The following GOLGA4 variants were observed in gnomAD, a reference collection of about 807,000 sequenced individuals.
GOLGA4 encodes the protein golgin subfamily A member 4.
Under a neutral mutation model 265.9 loss-of-function variants are expected in GOLGA4, and 169 were observed. The ratio of observed to expected loss-of-function variants is 0.64; its 90% CI spans 0.56 to 0.72. The LOEUF (loss-of-function observed/expected upper bound fraction) is 0.72, where lower values mean the gene tolerates loss of function less well. Among genes scored for constraint, GOLGA4 ranks in the 30% least tolerant of loss-of-function variants. The pLI, the probability that GOLGA4 is intolerant of heterozygous loss-of-function variation, is 0.00. For synonymous variants in GOLGA4, 923 were observed against 855.8 expected (o/e 1.08, Z -1.37); for missense variants, 2,482 against 2,483.4 (o/e 1.00, Z 0.01).
intron 19 of GOLGA4, among the ~76,000 whole-genome samples, chr3:37,339,188 G>A (rs754567963): frequency 3.9e-5 from 6 of 151,954 alleles, no homozygotes; most frequent in Admixed American, 2.6e-4. Context: ...TCAGCTTAGC[G>A]TGATGTTTCA....
chr3:37,275,582 C>T (rs906689816), intron 2 of GOLGA4: 57 of 1,245,004 alleles, frequency 4.6e-5, no homozygotes, highest in Non-Finnish European at 5.9e-5. Context: ...CCCGGGCCTG[C>T]GGTGGTGGGG....
At chr3:37,307,561 A>G (rs896472968) in intron 10 of GOLGA4, among the ~76,000 whole-genome samples, 7 of 152,200 alleles carry the variant, frequency 4.6e-5, no homozygotes, top group African/African-American at 1.7e-4. Context: ...GGACTGGGGT[A>G]AGGGCTATTT....
At chr3:37,276,753 C>T (rs1056882919) in intron 2 of GOLGA4, among the ~76,000 whole-genome samples, 28 of 152,284 alleles carry the variant, frequency 1.8e-4, no homozygotes, top group African/African-American at 6.5e-4. Context: ...CCTTAAATGC[C>T]TTCTGTAGTT....
chr3:37,358,682 A>G (rs17036270), intron 22 of GOLGA4, among the ~76,000 whole-genome samples: 5,869 of 152,234 alleles, frequency 0.039, 145 homozygotes, highest in African/African-American at 0.056. Flanking sequence ...CCTTTTAGCA[A>G]TGTGTAGAAC....
Position 37,337,176 on chromosome 3 carries a change from CTTCTTT to C in GOLGA4, c.6327+16_6327+21del. 1 of 1,322,116 alleles carries C rather than the reference CTTCTTT, an allele frequency of 7.6e-7. No individual in the cohort carries two copies. The highest frequency in any genetic ancestry group is 1.5e-5 in the African/African-American group (1 of 66,740). The allele number at this position is 1,322,116 out of a possible 1,614,324, so 81.9% of individuals were successfully genotyped here. A position where few individuals can be genotyped will look rare whatever the true frequency, so the allele number is the denominator to read the frequency against. On this transcript the variant is annotated intron_variant, in intron 18 of 23. Coordinates refer to ENST00000361924, the MANE Select transcript of GOLGA4 (RefSeq NM_002078.5). ...TATGGAGCTACAGGTAAGGCTAGTT[CTTCTTT>C]TTTTTTTTTTCTTTTTTTTCTTTGA...
chr3:37,301,488 C>T (rs1249079667), intron 9 of GOLGA4, among the ~76,000 whole-genome samples: 2 of 152,174 alleles, frequency 1.3e-5, no homozygotes, highest in Non-Finnish European at 2.9e-5. Flanking sequence ...TAGTACAGAT[C>T]AATACTTGTA....
intron 12 of GOLGA4, chr3:37,321,519 T>C (rs183729512): frequency 2.2e-6 from 1 of 450,526 alleles, no homozygotes; most frequent in East Asian, 3.6e-5. Flanking sequence ...ACAAAATTTT[T>C]CATATCAGTA....
chr3:37,295,539 A>G (rs894440483), intron 6 of GOLGA4, among the ~76,000 whole-genome samples: 1 of 152,256 alleles, frequency 6.6e-6, no homozygotes, highest in East Asian at 1.9e-4. Context: ...TGTTAAGGAT[A>G]CTTTTTTATT....
intron 7 of GOLGA4, 83 bp from the exon 8 acceptor site, chr3:37,298,750 C>G: frequency 1.1e-6 from 1 of 911,936 alleles, no homozygotes. Flanking sequence ...GATTAGATCT[C>G]TTTGACTGTC....
At chr3:37,281,385 C>T (rs2096834217) in intron 2 of GOLGA4, among the ~76,000 whole-genome samples, 1 of 152,164 alleles carries the variant, frequency 6.6e-6, no homozygotes, top group African/African-American at 2.4e-5. Flanking sequence ...CTCACATTCC[C>T]TTATTAAACA....
At chr3:37,270,308 C>T (rs371155714) in intron 2 of GOLGA4, among the ~76,000 whole-genome samples, 6 of 146,440 alleles carry the variant, frequency 4.1e-5, no homozygotes, top group South Asian at 2.2e-4. Context: ...AGGATTAAAG[C>T]GATTCTCCTG....
chr3:37,249,172 G>A (rs2096727355), intron 1 of GOLGA4, among the ~76,000 whole-genome samples: 1 of 152,164 alleles, frequency 6.6e-6, no homozygotes. Context: ...TGTGGGAAGG[G>A]TTTATTGAAT....
At chr3:37,321,981 G>GGA (rs2096956282) in intron 13 of GOLGA4, 95 bp downstream of exon 13, 2 of 982,622 alleles carry the variant, frequency 2.0e-6, no homozygotes, top group African/African-American at 3.3e-5. Context: ...GAAGATTACT[G>GGA]GATTAGATTT....
intron 4 of GOLGA4, among the ~76,000 whole-genome samples, 189 bp from the exon 5 acceptor site, chr3:37,289,046 T>A (rs1436782671): frequency 6.6e-6 from 1 of 152,236 alleles, no homozygotes; most frequent in Admixed American, 6.5e-5. Context: ...TTCTATAACA[T>A]CATGATCTAA....
chr3:37,347,371 G>A (rs766155967), intron 21 of GOLGA4, 75 bp downstream of exon 21: 1 of 790,270 alleles, frequency 1.3e-6, no homozygotes, highest in Non-Finnish European at 2.2e-6. Context: ...ATACACATGT[G>A]AATGCCATAT....
intron 2 of GOLGA4, among the ~76,000 whole-genome samples, chr3:37,274,112 A>AAATT (rs1216015746): frequency 2.0e-5 from 3 of 151,480 alleles, no homozygotes; most frequent in Non-Finnish European, 4.4e-5. Context: ...AAAAAAAAAA[A>AAATT]AAAAGATAAT....
chr3:37,248,794 G>C (rs1355089491), intron 1 of GOLGA4, among the ~76,000 whole-genome samples: 2 of 152,176 alleles, frequency 1.3e-5, no homozygotes, highest in Admixed American at 1.3e-4. Context: ...TGAGGCCAAG[G>C]TGTAAGACGT....
intron 2 of GOLGA4, among the ~76,000 whole-genome samples, chr3:37,262,769 A>T (rs953062923): frequency 3.3e-5 from 5 of 152,148 alleles, no homozygotes; most frequent in Non-Finnish European, 5.9e-5. Flanking sequence ...AAAAACAAAC[A>T]GACAAAAAAT....
At chr3:37,349,703 A>G (rs893207036) in intron 21 of GOLGA4, among the ~76,000 whole-genome samples, 2 of 152,138 alleles carry the variant, frequency 1.3e-5, no homozygotes, top group East Asian at 1.9e-4. Flanking sequence ...CCCAATTTCT[A>G]TACATTAACA....
Sources: allele counts gnomAD v4.1 joint callset (sites outside exome capture counted in the v4.1 genomes callset), GRCh38; gene constraint gnomAD v4.1.1; transcripts MANE v1.5; gene names NCBI Gene and HGNC (gene_info 2026-07-23, HGNC 2026-07-21).